Variants in CCSER1 observed in about 807,000 individuals in gnomAD.
The protein encoded by CCSER1 is serine-rich coiled-coil domain-containing protein 1.
CCSER1 carries 41 observed loss-of-function variants against 82.0 expected under a neutral mutation model. The ratio of observed to expected loss-of-function variants is 0.50; its 90% confidence interval spans 0.39 to 0.65. The LOEUF is 0.65. Ranked by LOEUF, CCSER1 falls within the 30% of genes least tolerant of loss-of-function variation. The probability of loss-of-function intolerance (pLI) is 0.00; values close to 1 mark genes in which losing one functional copy is unlikely to be tolerated. For missense variants in CCSER1, 1,119 were observed against 1,064.2 expected, an observed-to-expected ratio of 1.05 and a Z score of -0.72; for synonymous variants, 414 against 383.9, an observed-to-expected ratio of 1.08 and a Z score of -0.92.
chr4:91,161,715 G>T (rs1324117795), intron 10 of CCSER1, among the ~76,000 whole-genome samples: 2 of 151,998 alleles, frequency 1.3e-5, no homozygotes, highest in Admixed American at 6.6e-5. Flanking sequence ...GTCTGTTATT[G>T]GTGTGTAGGA....
intron 10 of CCSER1, among the ~76,000 whole-genome samples, chr4:91,265,658 T>TA (rs1741515479): frequency 6.6e-6 from 1 of 152,184 alleles, no homozygotes. Context: ...TTTTTTATTG[T>TA]AGTTGTAATG....
intron 7 of CCSER1, among the ~76,000 whole-genome samples, chr4:90,754,371 A>G (rs1243617363): frequency 6.6e-6 from 1 of 152,202 alleles, no homozygotes; most frequent in Non-Finnish European, 1.5e-5. Context: ...GTGAGCATAT[A>G]TATCTATGCA....
chr4:91,357,026 C>A lies in CCSER1; in HGVS notation c.2218-241546C>A, dbSNP rs72880822. Among the ~76,000 whole-genome samples the A allele has an allele frequency of 6.3e-3, 965 of 152,128 alleles. 9 individuals carry two copies. Among genetic ancestry groups the A allele is most frequent in the African/African-American group, 0.022 (903 of 41,462 alleles). ...CATAACAGTTGCTTTGTTTAACGTGCGGATGGAATATTTGATCCATTTCAT... is the reference window on the plus strand; with the variant it reads ...CATAACAGTTGCTTTGTTTAACGTGAGGATGGAATATTTGATCCATTTCAT... On this transcript the variant is annotated intron_variant, in intron 10 of 10. Transcript: ENST00000509176.
rs561471252 is a variant in CCSER1 at position 91,439,238 on chromosome 4, C to G, written c.2218-159334C>G. 9.3e-3 allele frequency among the ~76,000 whole-genome samples: 1,414 copies of G among 152,200 alleles called. 13 individuals carry two copies. Among genetic ancestry groups the G allele is most frequent in the African/African-American group, 0.03 (1,231 of 41,514 alleles). On this transcript the variant is annotated intron_variant, in intron 10 of 10. Coordinates refer to ENST00000509176, the MANE Select transcript of CCSER1 (RefSeq NM_001145065.2). ...GTTAAGGGCAGCCAGAGAGAAAGGT[C>G]GGGTTACCCCCAAAGGGAAGCCCAT...
intron 10 of CCSER1, among the ~76,000 whole-genome samples, chr4:91,368,354 C>A (rs1051073674): frequency 1.3e-5 from 2 of 151,890 alleles, no homozygotes; most frequent in African/African-American, 4.8e-5. Flanking sequence ...AGTTATATGC[C>A]CTTTAGCAAA....
chr4:90,918,640 T>TAA (rs1221924839), intron 8 of CCSER1, among the ~76,000 whole-genome samples: 19 of 150,370 alleles, frequency 1.3e-4, no homozygotes, highest in Admixed American at 4.7e-4. Context: ...TCAAGAGAGA[T>TAA]ATATATATAT....
chr4:90,724,285 A>C (rs1476373314), intron 7 of CCSER1, among the ~76,000 whole-genome samples: 4 of 151,942 alleles, frequency 2.6e-5, no homozygotes, highest in African/African-American at 9.7e-5. Context: ...TATTTTGTTT[A>C]TAGTAATTAT....
intron 8 of CCSER1, among the ~76,000 whole-genome samples, chr4:90,876,780 A>G (rs1186748969): frequency 1.3e-5 from 2 of 152,060 alleles, no homozygotes; most frequent in African/African-American, 4.8e-5. Context: ...ATACAGTTCA[A>G]TTATTGTCTC....
chr4:91,352,193 T>C (rs1174963735), intron 10 of CCSER1, among the ~76,000 whole-genome samples: 1 of 152,250 alleles, frequency 6.6e-6, no homozygotes, highest in Non-Finnish European at 1.5e-5. Context: ...TTGTCAAAAC[T>C]TTTAATTTAA....
intron 10 of CCSER1, among the ~76,000 whole-genome samples, chr4:91,495,551 A>G (rs1758754354): frequency 6.6e-6 from 1 of 151,540 alleles, no homozygotes; most frequent in African/African-American, 2.4e-5. Context: ...ATATCAGTAA[A>G]ATAGCTGAAA....
rs527376873 is a variant in CCSER1 at position 90,415,333 on chromosome 4, C to A, written c.1603+15204C>A. ...TCAGTATTAACAGTTCTAAACGGTG[C>A]CACGTCAGTGTGGCAAAAGCTTGGA... On this transcript the variant is annotated intron_variant, in intron 4 of 10. Coordinates refer to ENST00000509176, the MANE Select transcript of CCSER1 (RefSeq NM_001145065.2). Among the ~76,000 whole-genome samples, 179 of 152,268 alleles carry A rather than the reference C, an allele frequency of 1.2e-3. 1 individual carries two copies. The highest frequency in any genetic ancestry group is 4.2e-3 in the African/African-American group (175 of 41,542).
At chr4:90,373,298 T>C (rs564868386) in intron 3 of CCSER1, among the ~76,000 whole-genome samples, 1 of 152,116 alleles carries the variant, frequency 6.6e-6, no homozygotes, top group African/African-American at 2.4e-5. Flanking sequence ...ATAACCACCA[T>C]GATGAGGAAG....
chr4:90,460,890 T>C (rs1408172969), intron 4 of CCSER1, among the ~76,000 whole-genome samples: 1 of 152,052 alleles, frequency 6.6e-6, no homozygotes, highest in Non-Finnish European at 1.5e-5. Context: ...AAATGAAGTG[T>C]TAACATTTCT....
At chr4:91,105,614 G>A (rs1725535851) in intron 10 of CCSER1, among the ~76,000 whole-genome samples, 1 of 152,126 alleles carries the variant, frequency 6.6e-6, no homozygotes, top group Non-Finnish European at 1.5e-5. Context: ...AGAGGCAGGG[G>A]AATCGCTTGA....
At chr4:90,638,507 A>C (rs1725851196) in intron 6 of CCSER1, among the ~76,000 whole-genome samples, 1 of 152,188 alleles carries the variant, frequency 6.6e-6, no homozygotes, top group Admixed American at 6.6e-5. Flanking sequence ...TTAGAATAAC[A>C]TAGGTTAAAA....
intron 1 of CCSER1, among the ~76,000 whole-genome samples, chr4:90,236,032 C>T (rs961397300): frequency 3.9e-5 from 6 of 152,102 alleles, no homozygotes; most frequent in Admixed American, 2.6e-4. Context: ...GCCTTGACCT[C>T]CCAGGCTCAA....
At chr4:90,718,642 C>T (rs1742114233) in intron 6 of CCSER1, among the ~76,000 whole-genome samples, 1 of 151,902 alleles carries the variant, frequency 6.6e-6, no homozygotes, top group Non-Finnish European at 1.5e-5. Context: ...TTTTGCATCT[C>T]AATAAAATGA....
chr4:90,510,987 G>A (rs1045272039), intron 5 of CCSER1, among the ~76,000 whole-genome samples: 19 of 152,196 alleles, frequency 1.2e-4, no homozygotes, highest in African/African-American at 4.3e-4. Context: ...AAAAGATTAG[G>A]GAGATGAGGA....
At chr4:91,345,299 A>C (rs1471532952) in intron 10 of CCSER1, among the ~76,000 whole-genome samples, 1 of 152,088 alleles carries the variant, frequency 6.6e-6, no homozygotes, top group Non-Finnish European at 1.5e-5. Context: ...AGGCAGGAGA[A>C]TCGCTTGAAC....
Sources: gnomAD v4.1 joint callset for allele counts (sites outside exome capture counted in the v4.1 genomes callset) on GRCh38, gnomAD v4.1.1 for gene constraint, MANE v1.5 for transcripts, NCBI Gene and HGNC (gene_info 2026-07-23, HGNC 2026-07-21) for gene names.